Variants in TIMM23 observed in about 807,000 individuals in gnomAD.
The protein encoded by TIMM23 is translocase of inner mitochondrial membrane 23.
Under a neutral mutation model 30.7 loss-of-function variants are expected in TIMM23, and 19 were observed. That is an observed-to-expected ratio of 0.62 (90% CI 0.43 to 0.91). The LOEUF (loss-of-function observed/expected upper bound fraction) is 0.91. Ranked by LOEUF, TIMM23 falls within the 40% of genes least tolerant of loss-of-function variation. The probability of loss-of-function intolerance (pLI) is 0.00; values close to 1 mark genes in which losing one functional copy is unlikely to be tolerated. For missense variants in TIMM23, 202 were observed against 269.2 expected (o/e 0.75, Z 1.75); for synonymous variants, 78 against 98.5 (o/e 0.79, Z 1.23).
Position 45,972,664 on chromosome 10 carries a change from G to C in TIMM23, c.40G>C (p.Gly14Arg). The C allele has an allele frequency of 6.2e-7, 1 of 1,614,024 alleles. No individual in the cohort carries two copies. Among genetic ancestry groups the C allele is most frequent in the Non-Finnish European group, 8.5e-7 (1 of 1,179,880 alleles). ...GGGAAGCGGCAACAAAACCACAGGG[G>C]GATTGGCCGGCTTTTTCGGAGCCGG... is the stretch of plus-strand genomic sequence containing the variant. ...GGGSGNKTTG[G>R]LAGFFGAGGA... The change falls in exon 1 of 7, where the codon GGA becomes CGA. Residue 14 changes from glycine to arginine, a missense_variant. Transcript: ENST00000580018.
chr10:45,984,667 G>A, intron 4 of TIMM23: 1 of 289,954 alleles, frequency 3.4e-6, no homozygotes. Context: ...TACACTGCTG[G>A]GAGAAGAATG....
At chr10:45,980,934 G>GCCC (rs1323884049) in intron 2 of TIMM23, among the ~76,000 whole-genome samples, 1 of 144,898 alleles carries the variant, frequency 6.9e-6, no homozygotes, top group Non-Finnish European at 1.5e-5. Context: ...TTTTTTTTAA[G>GCCC]TTTTCTTTTC....
chr10:45,995,297 C>T (rs1838295717), intron 6 of TIMM23, among the ~76,000 whole-genome samples: 1 of 151,896 alleles, frequency 6.6e-6, no homozygotes, highest in South Asian at 2.1e-4. Context: ...TCAGCCTTTT[C>T]CTCTGTCTTA....
intron 6 of TIMM23, among the ~76,000 whole-genome samples, chr10:46,000,044 C>G (rs1341568226): frequency 6.6e-6 from 1 of 152,146 alleles, no homozygotes; most frequent in Non-Finnish European, 1.5e-5. Flanking sequence ...ATTGCTGGTA[C>G]CCTGTTCTTT....
intron 6 of TIMM23, among the ~76,000 whole-genome samples, chr10:46,000,236 G>A (rs1296713473): frequency 1.3e-5 from 2 of 152,202 alleles, no homozygotes; most frequent in Admixed American, 6.5e-5. Context: ...AGTGATAAGT[G>A]TCCATGAAAT....
chr10:45,985,486 G>A, intron 5 of TIMM23, 45 bp downstream of exon 5: 5 of 1,604,196 alleles, frequency 3.1e-6, no homozygotes, highest in Non-Finnish European at 4.3e-6. Flanking sequence ...AAGAAAGAAT[G>A]CACAAATATC....
At chr10:45,993,936 T>A (rs1838248795) in intron 6 of TIMM23, among the ~76,000 whole-genome samples, 1 of 152,148 alleles carries the variant, frequency 6.6e-6, no homozygotes, top group South Asian at 2.1e-4. Flanking sequence ...AATATTGAAA[T>A]GAATAATAAA....
In TIMM23 at chr10:45,988,753, A is replaced by G. The variant is rs1838072432; in HGVS notation, c.420A>G (p.Ala140=). 6 of 1,613,816 alleles carry G rather than the reference A, an allele frequency of 3.7e-6. No individual in the cohort carries two copies. Among genetic ancestry groups the G allele is most frequent in the Non-Finnish European group, 5.1e-6 (6 of 1,179,788 alleles). Residue 140 remains alanine (A), a synonymous_variant, in exon 6 of 7, where the codon GCA becomes GCG. Transcript: ENST00000580018. ...CCTCTTTAGCTTTGCTCTATAGTGC[A>G]TTTGGTGTCATCATTGAGAAAACAC... ...TLGSLALLYS[A]FGVIIEKTRG...
intron 1 of TIMM23, among the ~76,000 whole-genome samples, chr10:45,973,186 T>TAA (rs35990152): frequency 6.6e-6 from 1 of 151,430 alleles, no homozygotes; most frequent in Admixed American, 6.6e-5. Flanking sequence ...GAGAAATAAA[T>TAA]GACTTGGGAC....
At chr10:45,979,594 A>C (rs1554913715) in intron 2 of TIMM23, among the ~76,000 whole-genome samples, 8 of 117,286 alleles carry the variant, frequency 6.8e-5, no homozygotes, top group Middle Eastern at 6.6e-3. Context: ...GGCATGAGCC[A>C]CCATGCCTGG....
intron 6 of TIMM23, among the ~76,000 whole-genome samples, chr10:45,993,244 C>CTTTTTTT (rs782013689): frequency 1.2e-4 from 9 of 72,060 alleles, no homozygotes; most frequent in African/African-American, 4.1e-4. Flanking sequence ...TCTACCATCA[C>CTTTTTTT]TTTTTTTTTT....
intron 2 of TIMM23, among the ~76,000 whole-genome samples, chr10:45,977,202 C>G (rs1371494509): frequency 6.7e-6 from 1 of 148,780 alleles, no homozygotes; most frequent in Admixed American, 6.7e-5. Flanking sequence ...CTGTCAAAAT[C>G]CCAGCTGGCT....
At chr10:45,984,153 A>G (rs1304476028) in intron 4 of TIMM23, among the ~76,000 whole-genome samples, 1 of 152,140 alleles carries the variant, frequency 6.6e-6, no homozygotes, top group Non-Finnish European at 1.5e-5. Context: ...AATATTTTTA[A>G]GTTTTTGTAT....
chr10:45,980,345 C>T (rs1389438526), intron 2 of TIMM23, among the ~76,000 whole-genome samples: 2 of 151,756 alleles, frequency 1.3e-5, no homozygotes, highest in Non-Finnish European at 2.9e-5. Flanking sequence ...GCAGTCCTCC[C>T]ACCTTGGCCT....
At chr10:45,999,519 A>AT (rs1217911439) in intron 6 of TIMM23, among the ~76,000 whole-genome samples, 4 of 151,796 alleles carry the variant, frequency 2.6e-5, no homozygotes, top group African/African-American at 9.7e-5. Flanking sequence ...GCAAGTTTTT[A>AT]TTAGGGATTT....
At chr10:45,976,922 A>G (rs1837690811) in intron 2 of TIMM23, among the ~76,000 whole-genome samples, 1 of 152,258 alleles carries the variant, frequency 6.6e-6, no homozygotes, top group Non-Finnish European at 1.5e-5. Flanking sequence ...GAGTTCAGCA[A>G]GTTGCAGAAT....
At chr10:45,977,258 A>G (rs1175099403) in intron 2 of TIMM23, among the ~76,000 whole-genome samples, 3 of 149,126 alleles carry the variant, frequency 2.0e-5, no homozygotes, top group African/African-American at 5.0e-5. Flanking sequence ...TCATATGGAA[A>G]TTCAGGGGAC....
At chr10:45,992,446 A>G (rs1358094253) in intron 6 of TIMM23, 33 of 455,924 alleles carry the variant, frequency 7.2e-5, no homozygotes, top group South Asian at 4.8e-4. Flanking sequence ...CAATATGCGT[A>G]GACTCTCCTT....
intron 6 of TIMM23, among the ~76,000 whole-genome samples, chr10:45,998,864 G>A (rs990792013): frequency 1.5e-5 from 2 of 131,144 alleles, no homozygotes; most frequent in African/African-American, 5.8e-5. Flanking sequence ...ACAGAGTCTT[G>A]CTGTATCGCC....
Sources: allele counts gnomAD v4.1 joint callset (sites outside exome capture counted in the v4.1 genomes callset), GRCh38; gene constraint gnomAD v4.1.1; transcripts MANE v1.5; gene names NCBI Gene and HGNC (gene_info 2026-07-23, HGNC 2026-07-21).